Variants in ZNF532 observed in about 807,000 individuals in gnomAD.
ZNF532 encodes zinc finger protein 532.
A neutral mutation model predicts 89.3 loss-of-function variants in ZNF532; 22 were observed. The ratio of observed to expected loss-of-function variants is 0.25; its 90% CI spans 0.18 to 0.35. The LOEUF is 0.35. Among genes scored for constraint, ZNF532 ranks in the 10% least tolerant of loss-of-function variants. The pLI is 1.00. For synonymous variants in ZNF532, 606 were observed against 649.6 expected, an observed-to-expected ratio of 0.93 and a Z score of 1.02; for missense variants, 1,132 against 1,643.4, an observed-to-expected ratio of 0.69 and a Z score of 5.38.
At position 58,937,386 on chromosome 18, in the gene ZNF532, C is replaced by T. The variant is rs372004948; in HGVS notation, c.2529-2059C>T. On this transcript the variant is annotated intron_variant, in intron 4 of 9. Coordinates refer to ENST00000591808, the MANE Select transcript of ZNF532 (RefSeq NM_001375912.1). The stretch of plus-strand genomic sequence containing the variant: ...ATGACTTTTTAAAATACCCTGCTTT[C>T]GTTTCTTACATTAAGGAGGGTTTCC... Among the ~76,000 whole-genome samples, 9 of 152,282 alleles carry T rather than the reference C, an allele frequency of 5.9e-5. No homozygotes were observed. The East Asian group carries it at 1.5e-3, about 26-fold the overall frequency.
intron 2 of ZNF532, among the ~76,000 whole-genome samples, chr18:58,907,271 C>T (rs777476425): frequency 1.3e-5 from 2 of 152,144 alleles, no homozygotes; most frequent in African/African-American, 2.4e-5. Context: ...CTGCAACCTC[C>T]GCCTCCTGGG....
rs973464913 is a variant in ZNF532, at chr18:58,941,963, TCTCC to T, written c.2705+2355_2705+2358del. ...TCTTCTTTCCTTTCCTCCCTCCCTC[TCTCC>T]CTCCCTCCCTCCTTCCCTCCTTCCC... On this transcript the variant is annotated intron_variant, in intron 5 of 9. Coordinates refer to ENST00000591808, the MANE Select transcript of ZNF532 (RefSeq NM_001375912.1). 5.6e-5 allele frequency among the ~76,000 whole-genome samples: 6 copies of T among 106,654 alleles called. No homozygotes were observed. The Middle Eastern group carries it at 0.015, about 275-fold the overall frequency. 70.0% of individuals were successfully genotyped at this position (106,654 alleles called of 152,430 possible).
intron 3 of ZNF532, among the ~76,000 whole-genome samples, chr18:58,924,315 C>T (rs1014481877): frequency 1.3e-5 from 2 of 152,242 alleles, no homozygotes; most frequent in Admixed American, 6.5e-5. Flanking sequence ...GAACCCAGTG[C>T]AGTTTAAGCC....
intron 7 of ZNF532, among the ~76,000 whole-genome samples, chr18:58,964,406 C>G (rs1253150210): frequency 1.3e-5 from 2 of 152,086 alleles, no homozygotes; most frequent in Admixed American, 1.3e-4. Context: ...TCACTTGATT[C>G]TGCATTTGTG....
Position 58,959,265 on chromosome 18 carries a change from T to TG in ZNF532, c.3150+5466_3150+5467insG, listed in dbSNP as rs1186804344. On this transcript the variant is annotated intron_variant, in intron 7 of 9. Transcript: ENST00000591808. ...TTTTCAGTTTTTTGTTTTTTGTTTT[T>TG]TTTTGTTTTTTTTTGGTTTTTTTTT... Among the ~76,000 whole-genome samples, 10 of 146,510 alleles carry TG rather than the reference T, an allele frequency of 6.8e-5. 1 individual carries two copies. The highest frequency in any genetic ancestry group is 2.0e-4 in the Admixed American group (3 of 14,696).
At chr18:58,872,555 T>C (rs1458991101) in intron 2 of ZNF532, among the ~76,000 whole-genome samples, 1 of 152,196 alleles carries the variant, frequency 6.6e-6, no homozygotes, top group Non-Finnish European at 1.5e-5. Flanking sequence ...ACATTTGTAG[T>C]TATCTCATTT....
At chr18:58,899,230 T>C (rs116226528) in intron 2 of ZNF532, among the ~76,000 whole-genome samples, 378 of 152,274 alleles carry the variant, frequency 2.5e-3, no homozygotes, top group African/African-American at 8.7e-3. Flanking sequence ...AGGTAGAGAG[T>C]TGTCAGACTT....
upstream of ZNF532, chr18:58,863,591 G>T (rs2056159830): frequency 2.4e-4 from 2 of 8,416 alleles, no homozygotes; most frequent in South Asian, 1.8e-3. Flanking sequence ...GAACGCAGAT[G>T]ACACGCCCGT....
intron 2 of ZNF532, among the ~76,000 whole-genome samples, chr18:58,913,347 GAA>G (rs2060399037): frequency 6.6e-6 from 1 of 152,124 alleles, no homozygotes; most frequent in Non-Finnish European, 1.5e-5. Flanking sequence ...CTAAGAGGAG[GAA>G]ATTAAATTTG....
rs145324123 is a variant in ZNF532, at chr18:58,918,344, C to T, written c.57C>T (p.Asp19=). The T allele has an allele frequency of 8.7e-6, 14 of 1,614,060 alleles. No homozygotes were observed. In the African/African-American group the frequency reaches 1.7e-4, roughly 20 times the overall value. The stretch of plus-strand genomic sequence containing the variant: ...TTGATGACCTCCTGGCAGCATTTGA[C>T]ATCCCAGATATGGTCGATCCTAAAG... ...PDFDDLLAAF[D]IPDMVDPKAA... The change falls in exon 3 of 10, where the codon GAC becomes GAT. Residue 19 remains aspartate (D), a synonymous_variant. Transcript: ENST00000591808.
intron 2 of ZNF532, among the ~76,000 whole-genome samples, chr18:58,894,467 CAAAAAA>C: frequency 1.3e-5 from 1 of 77,878 alleles, no homozygotes; most frequent in Non-Finnish European, 2.8e-5. Context: ...GACTCCATCT[CAAAAAA>C]AAAAAAAAAA....
chr18:58,904,439 C>A (rs946198574), intron 2 of ZNF532, among the ~76,000 whole-genome samples: 2 of 151,802 alleles, frequency 1.3e-5, no homozygotes, highest in Non-Finnish European at 2.9e-5. Flanking sequence ...TAAATGTACA[C>A]CTGGCTATAT....
intron 7 of ZNF532, among the ~76,000 whole-genome samples, chr18:58,965,918 G>A (rs773810988): frequency 6.6e-6 from 1 of 152,218 alleles, no homozygotes; most frequent in Admixed American, 6.5e-5. Context: ...ATGCACAAGA[G>A]AGAGGCCCTT....
intron 7 of ZNF532, among the ~76,000 whole-genome samples, chr18:58,956,748 C>T (rs1048590604): frequency 3.9e-5 from 6 of 152,140 alleles, no homozygotes; most frequent in South Asian, 2.1e-4. Context: ...TCTTTACCTC[C>T]ACTCACCCCA....
rs181214198 is a variant in ZNF532 at position 58,878,397 on chromosome 18, C to T, written c.-18+12818C>T. Reference sequence around the variant, plus strand: ...TACAGATGCAGGACAGATGGCCATGCACAAGTGCATGATGGCAGGAGTCGG... The same window carrying T: ...TACAGATGCAGGACAGATGGCCATGTACAAGTGCATGATGGCAGGAGTCGG... On this transcript the variant is annotated intron_variant, in intron 2 of 9. Transcript: ENST00000591808. Among the ~76,000 whole-genome samples the T allele has an allele frequency of 3.3e-5, 5 of 152,340 alleles. No individual in the cohort carries two copies. The East Asian group carries it at 9.6e-4, about 29-fold the overall frequency.
intron 4 of ZNF532, 51 bp downstream of exon 4, chr18:58,934,665 G>A (rs746337370): frequency 8.4e-6 from 13 of 1,543,512 alleles, no homozygotes; most frequent in South Asian, 4.8e-5. Context: ...ACTTACAACC[G>A]CACAGCATTT....
At chr18:58,969,873 CTTTTTTTTTTTTT>C (rs10617418) in intron 7 of ZNF532, among the ~76,000 whole-genome samples, 11 of 84,712 alleles carry the variant, frequency 1.3e-4, no homozygotes, top group African/African-American at 2.8e-4. Flanking sequence ...ATATTTGTCC[CTTTTTTTTTTTTT>C]TTTTTTTTTT....
intron 5 of ZNF532, among the ~76,000 whole-genome samples, chr18:58,944,059 C>G (rs1350065697): frequency 1.3e-5 from 2 of 152,170 alleles, no homozygotes; most frequent in South Asian, 4.2e-4. Flanking sequence ...ATCTAGTCTG[C>G]TAAGTCCTGG....
chr18:58,893,354 T>A (rs1424612012), intron 2 of ZNF532, among the ~76,000 whole-genome samples: 1 of 152,208 alleles, frequency 6.6e-6, no homozygotes, highest in Admixed American at 6.5e-5. Flanking sequence ...GTTAATAGTT[T>A]GCTTTAGAAA....
Sources: gnomAD v4.1 joint callset for allele counts (sites outside exome capture counted in the v4.1 genomes callset) on GRCh38, gnomAD v4.1.1 for gene constraint, MANE v1.5 for transcripts, NCBI Gene and HGNC (gene_info 2026-07-23, HGNC 2026-07-21) for gene names.